The following PPP2R2B variants were observed in gnomAD, a reference collection of about 807,000 sequenced individuals.
The protein encoded by PPP2R2B is protein phosphatase 2 regulatory subunit Bbeta.
Under a neutral mutation model 46.0 loss-of-function variants are expected in PPP2R2B, and 5 were observed. The observed-to-expected ratio is 0.11, with a 90% confidence interval of 0.06 to 0.23. The LOEUF (loss-of-function observed/expected upper bound fraction) is 0.23. Among genes scored for constraint, PPP2R2B ranks in the 10% least tolerant of loss-of-function variants. PPP2R2B has a pLI of 1.00. For synonymous variants in PPP2R2B, 215 were observed against 206.7 expected (o/e 1.04, Z -0.34); for missense variants, 367 against 575.0 (o/e 0.64, Z 3.70).
chr5:146,921,898 C>G (rs1763620916), intron 1 of PPP2R2B, among the ~76,000 whole-genome samples: 3 of 152,204 alleles, frequency 2.0e-5, no homozygotes, highest in Admixed American at 2.0e-4. Context: ...GTGCAAGTCA[C>G]TTGGATGAGT....
chr5:146,834,458 G>A (rs766815019), intron 2 of PPP2R2B, among the ~76,000 whole-genome samples: 13 of 152,152 alleles, frequency 8.5e-5, no homozygotes, highest in Non-Finnish European at 1.6e-4. Context: ...TTTTGTTTTG[G>A]TTTAGCTATA....
intron 1 of PPP2R2B, among the ~76,000 whole-genome samples, chr5:146,907,820 C>A (rs1763050873): frequency 6.6e-6 from 1 of 152,172 alleles, no homozygotes; most frequent in Non-Finnish European, 1.5e-5. Context: ...TTTATTCTGT[C>A]TCCTCAATCA....
chr5:146,758,405 G>A (rs551251587), intron 2 of PPP2R2B, among the ~76,000 whole-genome samples: 4 of 151,980 alleles, frequency 2.6e-5, no homozygotes, highest in African/African-American at 9.7e-5. Flanking sequence ...TACCTCAAAG[G>A]CTTGTTATGA....
rs187917367 is a variant in PPP2R2B, at chr5:146,725,300, C to T, written c.71-24158G>A. Among the ~76,000 whole-genome samples, 3 of 152,174 alleles carry T rather than the reference C, an allele frequency of 2.0e-5. No homozygotes were observed. The East Asian group carries it at 5.8e-4, about 29-fold the overall frequency. The stretch of plus-strand genomic sequence containing the variant: ...TATATTGCAGATTAGATTTGATTTC[C>T]TTTGCAGTGATATAGTTTTATTGCG... On this transcript the variant is annotated intron_variant, in intron 2 of 9. Transcript: ENST00000394411.
chr5:146,849,078 C>T (rs1033434035), intron 2 of PPP2R2B, among the ~76,000 whole-genome samples: 2 of 151,840 alleles, frequency 1.3e-5, no homozygotes, highest in Non-Finnish European at 2.9e-5. Flanking sequence ...CTATAAGAGG[C>T]TCCAGACTCA....
intron 2 of PPP2R2B, among the ~76,000 whole-genome samples, chr5:146,854,011 C>A (rs1481828845): frequency 6.6e-6 from 1 of 152,048 alleles, no homozygotes; most frequent in East Asian, 1.9e-4. Context: ...GTGTCCCCTA[C>A]TAAACCACAG....
chr5:146,709,006 T>C (rs1162758379), intron 2 of PPP2R2B, among the ~76,000 whole-genome samples: 1 of 152,232 alleles, frequency 6.6e-6, no homozygotes, highest in Non-Finnish European at 1.5e-5. Flanking sequence ...CAGTTCTGAT[T>C]ACACATGCCA....
intron 1 of PPP2R2B, among the ~76,000 whole-genome samples, chr5:146,931,187 TC>T (rs1763958237): frequency 6.6e-6 from 1 of 152,134 alleles, no homozygotes; most frequent in Admixed American, 6.5e-5. Context: ...GCCAGAACCT[TC>T]CGCAATAATA....
At chr5:146,637,111 C>T (rs147404240) in intron 7 of PPP2R2B, among the ~76,000 whole-genome samples, 132 of 152,346 alleles carry the variant, frequency 8.7e-4, no homozygotes, top group African/African-American at 3.0e-3. Flanking sequence ...GTGCATCTTG[C>T]CTCATTAGCC....
chr5:146,691,175 C>G lies in PPP2R2B; in HGVS notation c.400G>C (p.Asp134His). ...GGATCCCGGAGCCGGCCCTCCTCAT[C>G]TTTCAGATTGTAGCCTTCTGGCCTC... Reference protein sequence around the residue: ...DKRPEGYNLKDEEGRLRDPAT... With the variant: ...DKRPEGYNLKHEEGRLRDPAT... The change falls in exon 5 of 10, where the codon GAT becomes CAT. Residue 134 changes from aspartate to histidine, a missense_variant. Coordinates refer to ENST00000394411, the MANE Select transcript of PPP2R2B (RefSeq NM_181675.4). 6.2e-7 allele frequency: 1 copy of G among 1,614,200 alleles called. No homozygotes were observed.
At chr5:146,625,791 A>G (rs1339533494) in intron 7 of PPP2R2B, among the ~76,000 whole-genome samples, 1 of 152,166 alleles carries the variant, frequency 6.6e-6, no homozygotes, top group African/African-American at 2.4e-5. Context: ...TTATGATGCT[A>G]ATCAGCTGAC....
chr5:146,702,609 A>C (rs536112102), intron 2 of PPP2R2B, among the ~76,000 whole-genome samples: 4 of 152,328 alleles, frequency 2.6e-5, no homozygotes, highest in African/African-American at 9.6e-5. Flanking sequence ...TCATTGTTTA[A>C]ATATATATAG....
At chr5:146,806,575 G>A (rs1757191840) in intron 2 of PPP2R2B, among the ~76,000 whole-genome samples, 1 of 152,200 alleles carries the variant, frequency 6.6e-6, no homozygotes, top group Admixed American at 6.5e-5. Flanking sequence ...AAAGTCTTAT[G>A]TTGTTGGCCA....
rs929243008 is a variant in PPP2R2B at position 146,878,249 on chromosome 5, G to A, written c.-124-54C>T. The A allele has an allele frequency of 6.6e-7, 1 of 1,511,764 alleles. No homozygotes were observed. Among genetic ancestry groups the A allele is most frequent in the Non-Finnish European group, 8.8e-7 (1 of 1,132,012 alleles). 93.6% of individuals were successfully genotyped at this position (1,511,764 alleles called of 1,614,324 possible). On this transcript the variant is annotated intron_variant, in intron 1 of 9. Coordinates refer to ENST00000394411, the MANE Select transcript of PPP2R2B (RefSeq NM_181675.4). The surrounding 1 kb of genome is among the most constrained non-coding windows in gnomAD (Gnocchi z 4.5). The stretch of plus-strand genomic sequence containing the variant: ...AAAAAAATAAAAACCCGGCAATGGA[G>A]CTGTCACCTCCTCCACTCGGGTTCT...
chr5:146,669,683 T>C (rs1330497241), intron 5 of PPP2R2B, among the ~76,000 whole-genome samples: 1 of 152,170 alleles, frequency 6.6e-6, no homozygotes, highest in African/African-American at 2.4e-5. Flanking sequence ...CCCTGTATGC[T>C]TTACATACGT....
At chr5:146,655,974 C>G in intron 5 of PPP2R2B, among the ~76,000 whole-genome samples, 1 of 152,116 alleles carries the variant, frequency 6.6e-6, no homozygotes, top group East Asian at 1.9e-4. Context: ...AGAGGAGAGA[C>G]AGCAAAGTAT....
At chr5:146,907,048 T>C (rs115708676) in intron 1 of PPP2R2B, among the ~76,000 whole-genome samples, 83 of 152,278 alleles carry the variant, frequency 5.5e-4, no homozygotes, top group African/African-American at 1.9e-3. Context: ...AGAGGCTCCT[T>C]GGCTGATTGT....
chr5:146,756,695 C>G lies in PPP2R2B; in HGVS notation c.71-55553G>C, dbSNP rs1244431714. Reference sequence around the variant, plus strand: ...AAAAATGGGGCTGATAATAATAGTACCAGCATCACATGGTTTCCATGAGAA... The same window carrying G: ...AAAAATGGGGCTGATAATAATAGTAGCAGCATCACATGGTTTCCATGAGAA... On this transcript the variant is annotated intron_variant, in intron 2 of 9. Transcript: ENST00000394411. 3.9e-5 allele frequency among the ~76,000 whole-genome samples: 6 copies of G among 152,278 alleles called. No individual in the cohort carries two copies. In the East Asian group the frequency reaches 1.2e-3, roughly 29 times the overall value.
intron 2 of PPP2R2B, among the ~76,000 whole-genome samples, chr5:146,762,071 G>A (rs543763704): frequency 6.6e-6 from 1 of 152,128 alleles, no homozygotes. Context: ...TTCTTAAACA[G>A]CTCTGACTCC....
Sources: gnomAD v4.1 joint callset for allele counts (sites outside exome capture counted in the v4.1 genomes callset) on GRCh38, gnomAD v4.1.1 for gene constraint, Gnocchi (gnomAD v3.1) non-coding constraint, MANE v1.5 for transcripts, NCBI Gene and HGNC (gene_info 2026-07-23, HGNC 2026-07-21) for gene names.